Variants in MRPL2 observed in about 807,000 individuals in gnomAD.
The protein encoded by MRPL2 is large ribosomal subunit protein uL2m.
MRPL2 carries 27 observed loss-of-function variants against 34.6 expected under a neutral mutation model. The observed-to-expected ratio is 0.78, with a 90% CI of 0.58 to 1.08. The LOEUF is 1.08. MRPL2 is among the 50% of genes least tolerant of loss of function. The pLI, the probability that MRPL2 is intolerant of heterozygous loss-of-function variation, is 0.00. For missense variants in MRPL2, 414 were observed against 419.3 expected, an observed-to-expected ratio of 0.99 and a Z score of 0.11; for synonymous variants, 155 against 158.0, an observed-to-expected ratio of 0.98 and a Z score of 0.14.
Position 43,054,311 on chromosome 6 carries a change from C to A in MRPL2, c.881G>T (p.Ser294Ile), listed in dbSNP as rs1283076085. ...RKIRPLPPMK[S>I]YVKLPSASAQ... ...AGAAGCAGAAGGCAGCTTCACGTAA[C>A]TCTTCATGGGGGGTAGTGGCCGAAT... is the stretch of plus-strand genomic sequence containing the variant. Residue 294 changes from serine (S) to isoleucine (I), a missense_variant, in exon 7 of 7, where the codon AGT (serine) becomes ATT (isoleucine). Ser to Ile is a moderately radical substitution (Grantham distance 142, BLOSUM62 -2). Transcript: ENST00000388752. The A allele has an allele frequency of 3.7e-6, 6 of 1,607,182 alleles. No homozygotes were observed. The highest frequency in any genetic ancestry group is 5.1e-6 in the Non-Finnish European group (6 of 1,177,670).
At chr6:43,055,506 C>T in intron 6 of MRPL2, 39 bp downstream of exon 6, 1 of 1,594,784 alleles carries the variant, frequency 6.3e-7, no homozygotes, top group Admixed American at 1.7e-5. Flanking sequence ...TCCAAAAATT[C>T]CTCCTTTGCT....
At chr6:43,059,658 G>A (rs1487211785), upstream of MRPL2, 1 of 1,355,556 alleles carries the variant, frequency 7.4e-7, no homozygotes, top group East Asian at 2.8e-5. Context: ...GTACCGGCAA[G>A]AGCGGCAGCC....
rs200870672 is a variant in MRPL2 at position 43,058,253 on chromosome 6, T to A, written c.97-20A>T. ...CATCATCTAGGGATAAAAAGACATC[T>A]CTTTCATTTGAAAGCTAATTGAAGG... On this transcript the variant is annotated intron_variant, in intron 1 of 6. Coordinates refer to ENST00000388752, the MANE Select transcript of MRPL2 (RefSeq NM_015950.5). 1 of 1,611,112 alleles carries A rather than the reference T, an allele frequency of 6.2e-7. No homozygotes were observed. The highest frequency in any genetic ancestry group is 1.3e-5 in the African/African-American group (1 of 74,816).
intron 1 of MRPL2, 44 bp from the exon 2 acceptor site, chr6:43,058,277 G>A: frequency 1.9e-6 from 3 of 1,599,824 alleles, no homozygotes; most frequent in South Asian, 2.2e-5. Context: ...GCTAATTGAA[G>A]GCAAAGCATC....
chr6:43,059,357 C>A lies in MRPL2; in HGVS notation c.25G>T (p.Ala9Ser). 6.4e-7 allele frequency: 1 copy of A among 1,552,238 alleles called. No homozygotes were observed. The highest frequency in any genetic ancestry group is 8.7e-7 in the Non-Finnish European group (1 of 1,147,552). Reference protein sequence around the residue: MALCALTRALRSLNLAPPT... With the variant: MALCALTRSLRSLNLAPPT... ...GGCGCCAGGTTCAGAGAGCGCAGAGCGCGGGTCAGTGCGCACAGGGCCATC... is the reference window on the plus strand; with the variant it reads ...GGCGCCAGGTTCAGAGAGCGCAGAGAGCGGGTCAGTGCGCACAGGGCCATC... Residue 9 changes from alanine to serine, a missense_variant, in exon 1 of 7, where the codon GCT becomes TCT. Coordinates refer to ENST00000388752, the MANE Select transcript of MRPL2 (RefSeq NM_015950.5).
At chr6:43,055,870 G>C in intron 5 of MRPL2, 27 bp downstream of exon 5, 1 of 1,591,360 alleles carries the variant, frequency 6.3e-7, no homozygotes, top group Non-Finnish European at 8.6e-7. Context: ...CCAAACTATA[G>C]GACCCAGGCA....
chr6:43,055,741 A>C (rs778779427), intron 5 of MRPL2, 123 bp from the exon 6 acceptor site: 23 of 1,303,336 alleles, frequency 1.8e-5, no homozygotes, highest in African/African-American at 4.5e-5. Context: ...ACAAAGAAGG[A>C]CGCATGCTAT....
In MRPL2 at chr6:43,055,585, C is replaced by A. The variant is rs1764834930; in HGVS notation, c.665G>T (p.Gly222Val). The stretch of plus-strand genomic sequence containing the variant: ...AGAGGGCAGCTGGATAATGGCTGTG[C>A]CATTCACCTTCCGCAGTAGCACACC... ...TCGVLLRKVN[G>V]TAIIQLPSKR... Residue 222 changes from glycine (G) to valine (V), a missense_variant, in exon 6 of 7, where the codon GGC becomes GTC. Transcript: ENST00000388752. 1 of 1,613,954 alleles carries A rather than the reference C, an allele frequency of 6.2e-7. No individual in the cohort carries two copies. The highest frequency in any genetic ancestry group is 1.1e-5 in the South Asian group (1 of 91,082).
At position 43,056,001 on chromosome 6, in the gene MRPL2, GCAGCAA is replaced by G; in HGVS notation, c.521_526del (p.Val174_Ala175del). 1 of 1,614,158 alleles carries G rather than the reference GCAGCAA, an allele frequency of 6.2e-7. No homozygotes were observed. Among genetic ancestry groups the G allele is most frequent in the Non-Finnish European group, 8.5e-7 (1 of 1,180,024 alleles). ...AAGAGGATGCGCATCCCCTTCCCGA[GCAGCAA>G]CTAAAAGACAGGATTTCATTAGCTC... On this transcript the variant is annotated inframe_deletion and splice_region_variant, in exon 5 of 7. Transcript: ENST00000388752.
At chr6:43,058,307 C>T in intron 1 of MRPL2, 74 bp from the exon 2 acceptor site, 1 of 1,476,466 alleles carries the variant, frequency 6.8e-7, no homozygotes, top group Non-Finnish European at 9.3e-7. Flanking sequence ...AGGCAGAGGG[C>T]ACAGATCAAT....
chr6:43,056,262 G>A, intron 3 of MRPL2, 45 bp downstream of exon 3: 4 of 1,613,766 alleles, frequency 2.5e-6, no homozygotes, highest in Non-Finnish European at 3.4e-6. Context: ...AGAAGCTATG[G>A]AGTTATTCAG....
At position 43,059,407 on chromosome 6, in the gene MRPL2, A is replaced by C; in HGVS notation, c.-26T>G. 1 of 1,523,192 alleles carries C rather than the reference A, an allele frequency of 6.6e-7. No homozygotes were observed. Among genetic ancestry groups the C allele is most frequent in the Non-Finnish European group, 8.9e-7 (1 of 1,129,424 alleles). The allele number at this position is 1,523,192 out of a possible 1,614,324, so 94.4% of individuals were successfully genotyped here. On this transcript the variant is annotated 5_prime_UTR_variant, in exon 1 of 7. Transcript: ENST00000388752. ...CAGCACGACACCCTTACTTTTAGCC[A>C]AGCTGCTCGGTGCTCCTAGATGACG...
rs749057175 is a variant in MRPL2 at position 43,059,310 on chromosome 6, G to C, written c.72C>G (p.Ala24=). The change falls in exon 1 of 7, where the codon GCC becomes GCG. Residue 24 remains alanine (A), a synonymous_variant. Transcript: ENST00000388752. ...CCTGGGCGGCGGGGAACAGACTCGG[G>C]GCAGGGGCGGCGACGGTCGGGGGCG... ...NLAPPTVAAP[A]PSLFPAAQMM... is the part of the protein sequence containing the mutation. 18 of 1,551,902 alleles carry C rather than the reference G, an allele frequency of 1.2e-5. No homozygotes were observed. Among genetic ancestry groups the C allele is most frequent in the Non-Finnish European group, 1.6e-5 (18 of 1,147,276 alleles).
rs1274882637 is a variant in MRPL2, at chr6:43,054,208, CCAAAA to C, written c.*61_*65del. On this transcript the variant is annotated 3_prime_UTR_variant, in exon 7 of 7. Coordinates refer to ENST00000388752, the MANE Select transcript of MRPL2 (RefSeq NM_015950.5). The stretch of plus-strand genomic sequence containing the variant: ...CAACAACAAAAAAAACAAAAAACAC[CCAAAA>C]CAAAACCACAGTAACAGATTAAAAC... The C allele has an allele frequency of 6.6e-6, 8 of 1,213,154 alleles. No individual in the cohort carries two copies. Among genetic ancestry groups the C allele is most frequent in the Non-Finnish European group, 8.0e-6 (7 of 869,756 alleles). 75.1% of individuals were successfully genotyped at this position (1,213,154 alleles called of 1,614,324 possible).
At chr6:43,055,120 T>C (rs918454964) in intron 6 of MRPL2, among the ~76,000 whole-genome samples, 3 of 152,008 alleles carry the variant, frequency 2.0e-5, no homozygotes, top group Non-Finnish European at 2.9e-5. Flanking sequence ...ATCTCAGCAC[T>C]TTGGGAGGCC....
At chr6:43,058,490 G>A (rs1764960715) in intron 1 of MRPL2, among the ~76,000 whole-genome samples, 1 of 152,212 alleles carries the variant, frequency 6.6e-6, no homozygotes, top group Admixed American at 6.5e-5. Context: ...CTTCTCCAGA[G>A]CTGGTAGCTT....
In MRPL2 at chr6:43,058,171, A is replaced by C; in HGVS notation, c.159T>G (p.Val53=). 1 of 1,614,216 alleles carries C rather than the reference A, an allele frequency of 6.2e-7. No individual in the cohort carries two copies. The highest frequency in any genetic ancestry group is 8.5e-7 in the Non-Finnish European group (1 of 1,180,038). The change falls in exon 2 of 7, where the codon GTT becomes GTG. Residue 53 remains valine, a synonymous_variant. Coordinates refer to ENST00000388752, the MANE Select transcript of MRPL2 (RefSeq NM_015950.5). ...TGGCATTAAGGGCCACAGAAGTAAG[A>C]ACTGGGCGGCAGGGGAGCAACATCA... The part of the protein sequence containing the change: ...SALMLLPCRP[V]LTSVALNANF...
upstream of MRPL2, chr6:43,059,784 T>C: frequency 8.5e-7 from 1 of 1,178,752 alleles, no homozygotes; most frequent in Non-Finnish European, 1.1e-6. Context: ...CCAACCAACC[T>C]TACAAAACTC....
At chr6:43,059,012 C>A in intron 1 of MRPL2, 1 of 870,886 alleles carries the variant, frequency 1.1e-6, no homozygotes, top group Non-Finnish European at 1.7e-6. Context: ...TTACCTATAC[C>A]TGGCTTATCA....
Sources: gnomAD v4.1 joint callset for allele counts (sites outside exome capture counted in the v4.1 genomes callset) on GRCh38, gnomAD v4.1.1 for gene constraint, MANE v1.5 for transcripts, NCBI Gene and HGNC (gene_info 2026-07-23, HGNC 2026-07-21) for gene names.